Variants in MACROD2 observed in about 807,000 individuals in gnomAD.
MACROD2 encodes the protein mono-ADP ribosylhydrolase 2, also known as ADP-ribose glycohydrolase MACROD2.
In MACROD2, 36 loss-of-function variants were observed where a neutral mutation model predicts 70.4. That is an observed-to-expected ratio of 0.51 (90% CI 0.39 to 0.68). The LOEUF (loss-of-function observed/expected upper bound fraction) is 0.68. MACROD2 is among the 30% of genes least tolerant of loss of function. The pLI is 0.00. For missense variants in MACROD2, 496 were observed against 538.4 expected (o/e 0.92, Z 0.78); for synonymous variants, 172 against 178.8 (o/e 0.96, Z 0.30).
chr20:14,608,465 A>G (rs1211554917), intron 4 of MACROD2, among the ~76,000 whole-genome samples: 1 of 152,154 alleles, frequency 6.6e-6, no homozygotes, highest in African/African-American at 2.4e-5. Context: ...GCCAAGTGTA[A>G]AAACTCAGGC....
intron 3 of MACROD2, among the ~76,000 whole-genome samples, chr20:14,206,054 C>G (rs1485158066): frequency 6.6e-6 from 1 of 152,122 alleles, no homozygotes; most frequent in Non-Finnish European, 1.5e-5. Context: ...CATTGGTTCT[C>G]CATCAGGGGC....
chr20:14,587,508 A>G (rs113132743), intron 4 of MACROD2, among the ~76,000 whole-genome samples: 2,774 of 151,924 alleles, frequency 0.018, 83 homozygotes, highest in African/African-American at 0.064. Flanking sequence ...ACATTTCGTC[A>G]TTAAAAAGGT....
intron 8 of MACROD2, among the ~76,000 whole-genome samples, chr20:15,834,549 AT>A (rs1457666381): frequency 6.6e-6 from 1 of 151,888 alleles, no homozygotes; most frequent in East Asian, 1.9e-4. Context: ...CCCCATATAC[AT>A]TGCTTGCATC....
intron 8 of MACROD2, among the ~76,000 whole-genome samples, chr20:15,763,286 G>A (rs1376555237): frequency 1.3e-5 from 2 of 152,146 alleles, no homozygotes; most frequent in Non-Finnish European, 2.9e-5. Flanking sequence ...AGAACCACCC[G>A]AGATGGTTTT....
At chr20:14,689,971 A>C (rs2071043706) in intron 5 of MACROD2, among the ~76,000 whole-genome samples, 1 of 152,062 alleles carries the variant, frequency 6.6e-6, no homozygotes, top group Non-Finnish European at 1.5e-5. Flanking sequence ...AGAAATTATG[A>C]AATCAGTGTC....
chr20:14,263,815 A>C (rs2082120174), intron 3 of MACROD2, among the ~76,000 whole-genome samples: 1 of 149,708 alleles, frequency 6.7e-6, no homozygotes, highest in Non-Finnish European at 1.5e-5. Flanking sequence ...CACACACAAC[A>C]AAAAGTTAGC....
At position 15,748,467 on chromosome 20, in the gene MACROD2, T is replaced by C. The variant is rs147034825; in HGVS notation, c.646-114278T>C. ...AAACTTCTCTATTATCCCCTCGGAT[T>C]TGGGGCTTGTGGTGGAATATAGGTT... is the stretch of plus-strand genomic sequence containing the variant. On this transcript the variant is annotated intron_variant, in intron 8 of 17. Coordinates refer to ENST00000684519, the MANE Select transcript of MACROD2 (RefSeq NM_001351661.2). 2.0e-3 allele frequency among the ~76,000 whole-genome samples: 311 copies of C among 152,076 alleles called. 2 individuals are homozygous for C. Among genetic ancestry groups the C allele is most frequent in the African/African-American group, 7.1e-3 (293 of 41,506 alleles).
chr20:15,990,020 G>A (rs2066537282), intron 15 of MACROD2, among the ~76,000 whole-genome samples: 1 of 152,076 alleles, frequency 6.6e-6, no homozygotes, highest in South Asian at 2.1e-4. Context: ...TGAAAAGAAG[G>A]AAAAATATTC....
rs1366154776 is a variant in MACROD2 at position 16,035,106 on chromosome 20, T to A, written c.1154-6095T>A. Among the ~76,000 whole-genome samples the A allele has an allele frequency of 6.2e-3, 459 of 73,702 alleles. 15 individuals are homozygous for A. The highest frequency in any genetic ancestry group is 0.012 in the African/African-American group (290 of 24,518). The allele number at this position is 73,702 out of a possible 152,430, so 48.4% of individuals were successfully genotyped here. On this transcript the variant is annotated intron_variant, in intron 15 of 17. Transcript: ENST00000684519. ...ATGTAATATAAAATATTATATATTA[T>A]ATATAAAATATAATATAAAATATTA...
chr20:14,954,399 G>T (rs2074500968), intron 5 of MACROD2, among the ~76,000 whole-genome samples: 2 of 150,020 alleles, frequency 1.3e-5, no homozygotes, highest in South Asian at 4.2e-4. Context: ...TCATCTGGGT[G>T]AACCTGAACA....
In MACROD2 at chr20:15,230,014, T is replaced by C; in HGVS notation, c.493T>C (p.Tyr165His). The C allele has an allele frequency of 6.2e-7, 1 of 1,613,812 alleles. No individual in the cohort carries two copies. The part of the protein sequence containing the change: ...GSHKEDLANC[Y>H]KSSLKLVKEN... ...CCACAAGGAAGACCTTGCAAATTGC[T>C]ATAAATCATCTCTGAAGCTCGTGAA... is the stretch of plus-strand genomic sequence containing the variant. The change falls in exon 6 of 18, where the codon TAT (tyrosine) becomes CAT (histidine). Residue 165 changes from tyrosine (Y) to histidine (H), a missense_variant. By Grantham distance (83) the Tyr-to-His change is moderately conservative (BLOSUM62 2). Transcript: ENST00000684519.
At chr20:15,638,575 T>A (rs1471904833) in intron 8 of MACROD2, among the ~76,000 whole-genome samples, 1 of 152,216 alleles carries the variant, frequency 6.6e-6, no homozygotes, top group African/African-American at 2.4e-5. Flanking sequence ...CTGGCCTGCC[T>A]TTGTCTTGGG....
chr20:14,481,065 A>G (rs2084658195), intron 3 of MACROD2, among the ~76,000 whole-genome samples: 1 of 152,150 alleles, frequency 6.6e-6, no homozygotes, highest in South Asian at 2.1e-4. Flanking sequence ...GAGGAGTGCT[A>G]ACGATAGAAA....
chr20:15,443,487 C>T (rs1364871674), intron 7 of MACROD2, among the ~76,000 whole-genome samples: 1 of 152,094 alleles, frequency 6.6e-6, no homozygotes, highest in East Asian at 1.9e-4. Flanking sequence ...TTAACAAAAT[C>T]GACATGAAAT....
At chr20:14,799,752 A>ATATAT (rs1200397609) in intron 5 of MACROD2, among the ~76,000 whole-genome samples, 1 of 152,054 alleles carries the variant, frequency 6.6e-6, no homozygotes, top group African/African-American at 2.4e-5. Flanking sequence ...ACATCTATAT[A>ATATAT]ATTGCAGAGA....
intron 13 of MACROD2, among the ~76,000 whole-genome samples, chr20:15,983,786 G>T (rs1188965571): frequency 1.3e-5 from 2 of 152,186 alleles, no homozygotes; most frequent in Non-Finnish European, 2.9e-5. Context: ...TGTTTAATGT[G>T]CAGATGGAAT....
At position 14,326,434 on chromosome 20, in the gene MACROD2, C is replaced by T; in HGVS notation, c.272-167045C>T. On this transcript the variant is annotated intron_variant, in intron 3 of 17. Coordinates refer to ENST00000684519, the MANE Select transcript of MACROD2 (RefSeq NM_001351661.2). This position sits in a 1 kb window ranked among gnomAD's most constrained non-coding sequence, Gnocchi z 5.5. ...TATCTGAATGGTGCTTACAATCCCA[C>T]TGTCCTTACAATCAAACAGTTCTGC... 6.2e-7 allele frequency: 1 copy of T among 1,613,890 alleles called. No individual in the cohort carries two copies. Among genetic ancestry groups the T allele is most frequent in the South Asian group, 1.1e-5 (1 of 91,084 alleles).
In MACROD2 at chr20:14,075,681, C is replaced by A. The variant is rs2053908252; in HGVS notation, c.164-9940C>A. Among the ~76,000 whole-genome samples the A allele has an allele frequency of 2.6e-5, 4 of 152,140 alleles. 1 individual carries two copies. The highest frequency in any genetic ancestry group is 9.7e-5 in the African/African-American group (4 of 41,414). On this transcript the variant is annotated intron_variant, in intron 2 of 17. Transcript: ENST00000684519. ...TCAAAGCCTTACCTCTTTCATCATCCTTCTGTCCATATCTGCCAGACTTTT... is the reference window on the plus strand; with the variant it reads ...TCAAAGCCTTACCTCTTTCATCATCATTCTGTCCATATCTGCCAGACTTTT...
chr20:15,090,604 A>G (rs1481895732), intron 5 of MACROD2, among the ~76,000 whole-genome samples: 1 of 152,120 alleles, frequency 6.6e-6, no homozygotes, highest in Non-Finnish European at 1.5e-5. Flanking sequence ...AGGTAGAATT[A>G]TATGCATGAA....
Sources: allele counts gnomAD v4.1 joint callset (sites outside exome capture counted in the v4.1 genomes callset), GRCh38; gene constraint gnomAD v4.1.1; non-coding constraint Gnocchi (gnomAD v3.1); transcripts MANE v1.5; gene names NCBI Gene and HGNC (gene_info 2026-07-23, HGNC 2026-07-21).